Variants in SPMIP7 observed in about 807,000 individuals in gnomAD.
The protein encoded by SPMIP7 is protein SPMIP7.
chr7:50,155,995 G>A, the SPMIP7 span, among the ~76,000 whole-genome samples: 8 of 152,284 alleles, frequency 5.3e-5, no homozygotes, highest in East Asian at 1.9e-4. Context: ...GTGATGGCTC[G>A]TGCTGGGCCC....
the SPMIP7 span, among the ~76,000 whole-genome samples, chr7:50,144,073 C>A: frequency 6.6e-6 from 1 of 152,250 alleles, no homozygotes; most frequent in East Asian, 1.9e-4. Flanking sequence ...AATATGTAAA[C>A]ATTCTTAAAA....
chr7:50,132,251 C>T, the SPMIP7 span, among the ~76,000 whole-genome samples: 1 of 152,076 alleles, frequency 6.6e-6, no homozygotes, highest in Admixed American at 6.6e-5. Context: ...ACTTGGCATC[C>T]TCCATTCTTT....
the SPMIP7 span, among the ~76,000 whole-genome samples, chr7:50,106,717 A>G: frequency 6.8e-4 from 104 of 152,332 alleles, no homozygotes; most frequent in African/African-American, 2.5e-3. Context: ...CACTGAGTCC[A>G]TATGTTGCAA....
chr7:50,107,695 A>T, the SPMIP7 span, among the ~76,000 whole-genome samples: 2 of 152,160 alleles, frequency 1.3e-5, no homozygotes, highest in Non-Finnish European at 2.9e-5. Flanking sequence ...ACAAGCTAAG[A>T]TACGATTTTT....
the SPMIP7 span, among the ~76,000 whole-genome samples, chr7:50,155,425 A>G: frequency 8.5e-4 from 129 of 152,344 alleles, no homozygotes; most frequent in African/African-American, 3.0e-3. Flanking sequence ...CTCACTGTCC[A>G]AAGAGAGTGG....
the SPMIP7 span, among the ~76,000 whole-genome samples, chr7:50,147,804 C>T: frequency 1.3e-5 from 2 of 152,080 alleles, no homozygotes; most frequent in South Asian, 4.1e-4. Flanking sequence ...AATTAGTGAA[C>T]AAAATCCTGG....
chr7:50,101,086 A>C, the SPMIP7 span, among the ~76,000 whole-genome samples: 1 of 152,232 alleles, frequency 6.6e-6, no homozygotes, highest in Non-Finnish European at 1.5e-5. Flanking sequence ...AGTGATCCTC[A>C]GCAATTCACC....
chr7:50,099,376 T>C, the SPMIP7 span, among the ~76,000 whole-genome samples: 2 of 152,236 alleles, frequency 1.3e-5, no homozygotes, highest in Non-Finnish European at 2.9e-5. Context: ...CTGTGGGGTA[T>C]GTTATTTAAC....
At chr7:50,120,428 C>T in the SPMIP7 span, 1 of 152,182 alleles carries the variant, frequency 6.6e-6, no homozygotes. Context: ...TCATGTTCAG[C>T]AAAAACACTT....
the SPMIP7 span, among the ~76,000 whole-genome samples, chr7:50,105,231 T>C: frequency 0.84 from 127,389 of 152,134 alleles, 53,379 homozygotes; most frequent in East Asian, 0.92. Flanking sequence ...ATGTCATGCA[T>C]GATAAAATTC....
At chr7:50,110,853 A>G in the SPMIP7 span, among the ~76,000 whole-genome samples, 1 of 133,156 alleles carries the variant, frequency 7.5e-6, no homozygotes, top group African/African-American at 2.9e-5. Context: ...ATTATAATAT[A>G]TAATTAGATA....
chr7:50,140,322 G>C, the SPMIP7 span: 1 of 460,186 alleles, frequency 2.2e-6, no homozygotes, highest in South Asian at 5.6e-5. Flanking sequence ...GTGGCACACA[G>C]TGCCTGTTTA....
chr7:50,125,255 TATATACAC>T, the SPMIP7 span, among the ~76,000 whole-genome samples: 1 of 85,308 alleles, frequency 1.2e-5, no homozygotes, highest in Non-Finnish European at 2.1e-5. Flanking sequence ...TATACACATA[TATATACAC>T]ACATATATAT....
At chr7:50,155,685 T>G in the SPMIP7 span, among the ~76,000 whole-genome samples, 1 of 152,144 alleles carries the variant, frequency 6.6e-6, no homozygotes, top group Non-Finnish European at 1.5e-5. Context: ...AATGAAAAAC[T>G]GTCCCCTACT....
At chr7:50,096,800 C>T in the SPMIP7 span, among the ~76,000 whole-genome samples, 1 of 151,920 alleles carries the variant, frequency 6.6e-6, no homozygotes, top group East Asian at 1.9e-4. Flanking sequence ...AATGATAAAC[C>T]TTATAAACTT....
the SPMIP7 span, among the ~76,000 whole-genome samples, chr7:50,112,784 C>T: frequency 1.3e-5 from 2 of 152,038 alleles, no homozygotes; most frequent in African/African-American, 4.8e-5. Flanking sequence ...CATAGCTTTA[C>T]ATTCTTGTTG....
At chr7:50,150,381 G>A in the SPMIP7 span, among the ~76,000 whole-genome samples, 1 of 152,108 alleles carries the variant, frequency 6.6e-6, no homozygotes, top group Non-Finnish European at 1.5e-5. Context: ...CTGCCCACTG[G>A]CCCTTTCCTC....
the SPMIP7 span, among the ~76,000 whole-genome samples, chr7:50,157,787 C>T: frequency 2.6e-5 from 4 of 152,170 alleles, no homozygotes; most frequent in African/African-American, 9.7e-5. Context: ...GCTGGCCCAA[C>T]TCCTGTGACA....
chr7:50,145,608 A>C, the SPMIP7 span, among the ~76,000 whole-genome samples: 2 of 30,064 alleles, frequency 6.7e-5, no homozygotes, highest in East Asian at 1.5e-3. Flanking sequence ...GTGTGTGTGT[A>C]TATGTGTGTG....
Sources: gnomAD v4.1 joint callset for allele counts (sites outside exome capture counted in the v4.1 genomes callset) on GRCh38, gnomAD v4.1.1 for gene constraint, MANE v1.5 for transcripts, NCBI Gene and HGNC (gene_info 2026-07-23, HGNC 2026-07-21) for gene names.